The following GBGT1 variants were observed in gnomAD, a reference collection of about 807,000 sequenced individuals.
GBGT1 encodes globoside alpha-1,3-N-acetylgalactosaminyltransferase 1 (FORS blood group), also known as globoside alpha-1,3-N-acetylgalactosaminyltransferase 1.
In GBGT1, 18 loss-of-function variants were observed where a neutral mutation model predicts 20.9. The ratio of observed to expected loss-of-function variants is 0.86; its 90% confidence interval spans 0.60 to 1.28. The LOEUF is 1.28. Ranked by LOEUF, GBGT1 falls within the 50% of genes most tolerant of loss-of-function variation. The pLI is 0.00. For synonymous variants in GBGT1, 168 were observed against 180.8 expected (o/e 0.93, Z 0.57); for missense variants, 432 against 455.7 (o/e 0.95, Z 0.47).
chr9:133,156,242 G>A lies in GBGT1; in HGVS notation c.138-177C>T, dbSNP rs1304932247. 6.1e-6 allele frequency: 4 copies of A among 659,120 alleles called. No individual in the cohort carries two copies. In the African/African-American group the frequency reaches 7.2e-5, roughly 12 times the overall value. 40.8% of individuals were successfully genotyped at this position (659,120 alleles called of 1,614,324 possible). On this transcript the variant is annotated intron_variant, in intron 3 of 6. Coordinates refer to ENST00000372040, the MANE Select transcript of GBGT1 (RefSeq NM_021996.6). ...TACAGAGGAGCTGGGGACCCCTACA[G>A]AAGTGATCTGTCCAGGGTCACTGAG...
intron 3 of GBGT1, chr9:133,160,126 C>A: frequency 3.0e-6 from 1 of 338,792 alleles, no homozygotes; most frequent in Non-Finnish European, 6.1e-6. Flanking sequence ...GCTGTTTCTA[C>A]TAAAAATACA....
At position 133,154,002 on chromosome 9, in the gene GBGT1, C is replaced by T. The variant is rs749618519; in HGVS notation, c.619G>A (p.Val207Met). 3.7e-6 allele frequency: 6 copies of T among 1,613,810 alleles called. No individual in the cohort carries two copies. The highest frequency in any genetic ancestry group is 5.1e-6 in the Non-Finnish European group (6 of 1,180,020). The change falls in exon 7 of 7, where the codon GTG becomes ATG. Residue 207 changes from valine (V) to methionine (M), a missense_variant. Transcript: ENST00000372040. This position sits in a 1 kb window ranked among gnomAD's most constrained non-coding sequence, Gnocchi z 4.2. ...CACGGGTTCCGAAACACCATGTCCA[C>T]ATCAAGGCAGAAGAGGTAGTCCACC... ...REVDYLFCLD[V>M]DMVFRNPWGP...
rs1347114892 is a variant in GBGT1 at position 133,154,092 on chromosome 9, C to G, written c.529G>C (p.Glu177Gln). The change falls in exon 7 of 7, where the codon GAG (glutamate) becomes CAG (glutamine). Residue 177 changes from glutamate (E) to glutamine (Q), a missense_variant. Transcript: ENST00000372040. The surrounding 1 kb of genome is among the most constrained non-coding windows in gnomAD (Gnocchi z 4.2). Reference protein sequence around the residue: ...SIPIQGHSHWEETSMRRMETI... With the variant: ...SIPIQGHSHWQETSMRRMETI... ...TCCATCCGGCGCATGGATGTCTCCTCCCAGTGGGAGTGACCCTGGATGGGG... is the reference window on the plus strand; with the variant it reads ...TCCATCCGGCGCATGGATGTCTCCTGCCAGTGGGAGTGACCCTGGATGGGG... 6.2e-7 allele frequency: 1 copy of G among 1,613,174 alleles called. No homozygotes were observed. Among genetic ancestry groups the G allele is most frequent in the Admixed American group, 1.7e-5 (1 of 59,990 alleles).
Position 133,155,325 on chromosome 9 carries a change from G to A in GBGT1, c.225-13C>T. The A allele has an allele frequency of 6.2e-7, 1 of 1,613,630 alleles. No individual in the cohort carries two copies. Among genetic ancestry groups the A allele is most frequent in the Non-Finnish European group, 8.5e-7 (1 of 1,179,928 alleles). Reference sequence around the variant, plus strand: ...CAGCTGTGTGGGCCTGGCAGCAGGGGGGCCGTGGGCACTGAGACCCTCCCC... The same window carrying A: ...CAGCTGTGTGGGCCTGGCAGCAGGGAGGCCGTGGGCACTGAGACCCTCCCC... On this transcript the variant is annotated splice_polypyrimidine_tract_variant and intron_variant, in intron 5 of 6. Transcript: ENST00000372040.
chr9:133,162,294 G>A, intron 2 of GBGT1, 48 bp downstream of exon 2: 1 of 1,205,468 alleles, frequency 8.3e-7, no homozygotes, highest in Non-Finnish European at 1.2e-6. Flanking sequence ...GACAGGGGGA[G>A]TCCTGGGTGG....
rs1166697492 is a variant in GBGT1, at chr9:133,154,439, T to TA, written c.360-179dup. ...TCCCAAAATGCTAGTACCAGCCTCTTACGGCTGTTGTAAGCATGTTCCTGG... is the reference window on the plus strand; with the variant it reads ...TCCCAAAATGCTAGTACCAGCCTCTTAACGGCTGTTGTAAGCATGTTCCTGG... On this transcript the variant is annotated intron_variant, in intron 6 of 6. Transcript: ENST00000372040. This position sits in a 1 kb window ranked among gnomAD's most constrained non-coding sequence, Gnocchi z 4.2. 18 of 468,936 alleles carry TA rather than the reference T, an allele frequency of 3.8e-5. No individual in the cohort carries two copies. Among genetic ancestry groups the TA allele is most frequent in the African/African-American group, 2.7e-4 (14 of 51,250 alleles). 29.0% of individuals were successfully genotyped at this position (468,936 alleles called of 1,614,324 possible). A position where few individuals can be genotyped will look rare whatever the true frequency, so the allele number is the denominator to read the frequency against.
intron 3 of GBGT1, among the ~76,000 whole-genome samples, chr9:133,159,231 G>A (rs1832963271): frequency 6.6e-6 from 1 of 152,206 alleles, no homozygotes; most frequent in African/African-American, 2.4e-5. Context: ...AAAGTGCTGG[G>A]ATTACAGGCA....
rs373531092 is a variant in GBGT1, at chr9:133,154,150, G to A, written c.471C>T (p.Val157=). Residue 157 remains valine, a synonymous_variant, in exon 7 of 7, where the codon GTC becomes GTT. Coordinates refer to ENST00000372040, the MANE Select transcript of GBGT1 (RefSeq NM_021996.6). This position sits in a 1 kb window ranked among gnomAD's most constrained non-coding sequence, Gnocchi z 4.2. ...TGAGAAGCCGGTGGGGACCCAGCGG[G>A]ACCCCGGGAACGGCTGCAGGGTTGT... ...FTDNPAAVPG[V]PLGPHRLLSS... is the part of the protein sequence containing the mutation. 3.8e-6 allele frequency: 6 copies of A among 1,599,048 alleles called. No homozygotes were observed. In the African/African-American group the frequency reaches 8.0e-5, roughly 21 times the overall value.
At chr9:133,158,842 C>T (rs1309244442) in intron 3 of GBGT1, among the ~76,000 whole-genome samples, 1 of 152,208 alleles carries the variant, frequency 6.6e-6, no homozygotes, top group Non-Finnish European at 1.5e-5. Context: ...TGCCGTTGCC[C>T]CGCCCCCAGC....
At chr9:133,155,114 T>C in intron 6 of GBGT1, 64 bp downstream of exon 6, 1 of 1,500,874 alleles carries the variant, frequency 6.7e-7, no homozygotes, top group East Asian at 2.3e-5. Context: ...GTCTGGTCTC[T>C]TCCCAACTAT....
chr9:133,155,846 C>T, intron 5 of GBGT1, 55 bp downstream of exon 5: 1 of 1,586,366 alleles, frequency 6.3e-7, no homozygotes, highest in Non-Finnish European at 8.7e-7. Flanking sequence ...CCTTATAAAT[C>T]AGAGCTCTTT....
At position 133,153,697 on chromosome 9, in the gene GBGT1, G is replaced by C. The variant is rs1564260932; in HGVS notation, c.924C>G (p.Asn308Lys). ...CGGGGGACAGCACCTTGGACGGCTTGTTTGAGATGAAGTGACGGTTCAGGT... is the reference window on the plus strand; with the variant it reads ...CGGGGGACAGCACCTTGGACGGCTTCTTTGAGATGAAGTGACGGTTCAGGT... ...ESHLNRHFIS[N>K]KPSKVLSPEY... The change falls in exon 7 of 7, where the codon AAC (asparagine) becomes AAG (lysine). Residue 308 changes from asparagine (N) to lysine (K), a missense_variant. By Grantham distance (94) the Asn-to-Lys change is moderately conservative. Transcript: ENST00000372040. 5 of 1,613,872 alleles carry C rather than the reference G, an allele frequency of 3.1e-6. No homozygotes were observed. Among genetic ancestry groups the C allele is most frequent in the Non-Finnish European group, 4.2e-6 (5 of 1,179,916 alleles).
chr9:133,160,142 T>C, intron 3 of GBGT1: 1 of 353,694 alleles, frequency 2.8e-6, no homozygotes, highest in South Asian at 2.0e-5. Flanking sequence ...ATACAAAAAT[T>C]AGCGTGTGTG....
Position 133,154,048 on chromosome 9 carries a change from A to G in GBGT1, c.573T>C (p.Ile191=). 6.2e-7 allele frequency: 1 copy of G among 1,613,724 alleles called. No individual in the cohort carries two copies. The highest frequency in any genetic ancestry group is 8.5e-7 in the Non-Finnish European group (1 of 1,180,006). ...MRRMETISQH[I]AKRAHREVDY... is the part of the protein sequence containing the mutation. ...CCACCTCCCGGTGAGCCCTCTTAGC[A>G]ATGTGCTGGCTGATGGTCTCCATCC... The change falls in exon 7 of 7, where the codon ATT becomes ATC. Residue 191 remains isoleucine (I), a synonymous_variant. Transcript: ENST00000372040. This position sits in a 1 kb window ranked among gnomAD's most constrained non-coding sequence, Gnocchi z 4.2.
At position 133,154,243 on chromosome 9, in the gene GBGT1, C is replaced by T; in HGVS notation, c.378G>A (p.Gln126=). The part of the protein sequence containing the change: ...FAVGKYTHFI[Q]SFLESAEEFF... ...ACTCCTCGGCTGACTCCAGGAAGGA[C>T]TGGATGAAATGAGTGTACCTAGTGA... The change falls in exon 7 of 7, where the codon CAG becomes CAA. Residue 126 remains glutamine (Q), a synonymous_variant. Coordinates refer to ENST00000372040, the MANE Select transcript of GBGT1 (RefSeq NM_021996.6). This position sits in a 1 kb window ranked among gnomAD's most constrained non-coding sequence, Gnocchi z 4.2. The T allele has an allele frequency of 7.2e-6, 11 of 1,529,752 alleles. No homozygotes were observed. Among genetic ancestry groups the T allele is most frequent in the Non-Finnish European group, 9.7e-6 (11 of 1,134,572 alleles). 94.8% of individuals were successfully genotyped at this position (1,529,752 alleles called of 1,614,324 possible).
rs763538966 is a variant in GBGT1, at chr9:133,153,888, G to A, written c.733C>T (p.Arg245Cys). ...PRQQFPYERR[R>C]VSTAFVADSE... ...TCTGCCACAAAGGCAGTGGAAACACGCCTGCGCTCATAGGGGAACTGCTGG... is the reference window on the plus strand; with the variant it reads ...TCTGCCACAAAGGCAGTGGAAACACACCTGCGCTCATAGGGGAACTGCTGG... Residue 245 changes from arginine to cysteine, a missense_variant, in exon 7 of 7, where the codon CGT becomes TGT. Physicochemically the swap from Arg to Cys is radical, Grantham distance 180 (BLOSUM62 -3). Coordinates refer to ENST00000372040, the MANE Select transcript of GBGT1 (RefSeq NM_021996.6). The A allele has an allele frequency of 8.7e-6, 14 of 1,605,510 alleles. No homozygotes were observed. Among genetic ancestry groups the A allele is most frequent in the South Asian group, 3.3e-5 (3 of 90,700 alleles).
At chr9:133,160,980 A>G (rs983005656) in intron 3 of GBGT1, 18 of 348,988 alleles carry the variant, frequency 5.2e-5, no homozygotes, top group Non-Finnish European at 3.1e-5. Flanking sequence ...ACTGCACTCC[A>G]GCCAGGGCGA....
At position 133,155,937 on chromosome 9, in the gene GBGT1, C is replaced by G; in HGVS notation, c.189-1G>C. 1 of 1,614,218 alleles carries G rather than the reference C, an allele frequency of 6.2e-7. No homozygotes were observed. Among genetic ancestry groups the G allele is most frequent in the Non-Finnish European group, 8.5e-7 (1 of 1,180,040 alleles). On this transcript the variant is annotated splice_acceptor_variant, in intron 4 of 6. Transcript: ENST00000372040. LOFTEE classifies it high-confidence loss of function. The stretch of plus-strand genomic sequence containing the variant: ...CAGCTTGGGCTGAGGGTACTGTGAC[C>G]TGCAACCAAGAAGGACCAGTGATGG...
chr9:133,161,347 C>G, intron 3 of GBGT1, 120 bp downstream of exon 3: 1 of 605,392 alleles, frequency 1.7e-6, no homozygotes, highest in Non-Finnish European at 2.9e-6. Flanking sequence ...TTGCATTTAT[C>G]AGAAACATGA....
Sources: gnomAD v4.1 joint callset for allele counts (sites outside exome capture counted in the v4.1 genomes callset) on GRCh38, gnomAD v4.1.1 for gene constraint, Gnocchi (gnomAD v3.1) non-coding constraint, MANE v1.5 for transcripts, NCBI Gene and HGNC (gene_info 2026-07-23, HGNC 2026-07-21) for gene names.